The following DAB2IP variants were observed in gnomAD, a reference collection of about 807,000 sequenced individuals.
DAB2IP encodes disabled homolog 2-interacting protein.
A neutral mutation model predicts 107.2 loss-of-function variants in DAB2IP; 28 were observed. The observed-to-expected ratio is 0.26, with a 90% CI of 0.19 to 0.36. The LOEUF (loss-of-function observed/expected upper bound fraction) is 0.36, where lower values mean the gene tolerates loss of function less well. DAB2IP is among the 10% of genes least tolerant of loss of function. The pLI is 1.00. For synonymous variants in DAB2IP, 755 were observed against 706.4 expected, an observed-to-expected ratio of 1.07 and a Z score of -1.09; for missense variants, 1,400 against 1,644.7, an observed-to-expected ratio of 0.85 and a Z score of 2.57.
At chr9:121,675,546 G>A (rs1382902724) in intron 1 of DAB2IP, among the ~76,000 whole-genome samples, 1 of 152,134 alleles carries the variant, frequency 6.6e-6, no homozygotes, top group Non-Finnish European at 1.5e-5. Context: ...TCTGGCTAAG[G>A]TTTGCATCCT....
intron 1 of DAB2IP, among the ~76,000 whole-genome samples, chr9:121,628,968 T>G (rs1831771875): frequency 6.6e-6 from 1 of 152,170 alleles, no homozygotes; most frequent in Non-Finnish European, 1.5e-5. Context: ...TGGAGAACTG[T>G]TGGCACCGAC....
intron 3 of DAB2IP, among the ~76,000 whole-genome samples, chr9:121,710,140 CT>C (rs1327961389): frequency 6.6e-6 from 1 of 152,216 alleles, no homozygotes; most frequent in African/African-American, 2.4e-5. Flanking sequence ...CAGTACTGCC[CT>C]CTCCCTATCT....
In DAB2IP at chr9:121,641,843, TTTC is replaced by T. The variant is rs536228629; in HGVS notation, c.41-36832_41-36830del. ...CCTTCCTCTTTCTTTCTTTTCTTTCTTTCTTTTTCTTTCTTTCTTTTCTTTCTT... is the reference window on the plus strand; with the variant it reads ...CCTTCCTCTTTCTTTCTTTTCTTTCTTTTTTCTTTCTTTCTTTTCTTTCTT... On this transcript the variant is annotated intron_variant, in intron 1 of 16. Coordinates refer to the DAB2IP transcript ENST00000259371. Among the ~76,000 whole-genome samples, 1,442 of 151,740 alleles carry T rather than the reference TTTC, an allele frequency of 9.5e-3. 12 individuals are homozygous for T. The highest frequency in any genetic ancestry group is 0.034 in the Middle Eastern group (10 of 294).
At chr9:121,652,480 C>CGGCTGG (rs913424187) in intron 1 of DAB2IP, among the ~76,000 whole-genome samples, 5 of 152,068 alleles carry the variant, frequency 3.3e-5, no homozygotes, top group African/African-American at 1.2e-4. Flanking sequence ...ACAGGATCCT[C>CGGCTGG]GGCTGGAAAT....
intron 3 of DAB2IP, among the ~76,000 whole-genome samples, chr9:121,739,050 C>A (rs1258509323): frequency 6.6e-6 from 1 of 152,230 alleles, no homozygotes; most frequent in African/African-American, 2.4e-5. Context: ...TAGTGCTTGG[C>A]ACATAGTTTG....
At chr9:121,627,555 G>C (rs1182002074) in intron 1 of DAB2IP, among the ~76,000 whole-genome samples, 1 of 152,144 alleles carries the variant, frequency 6.6e-6, no homozygotes, top group East Asian at 1.9e-4. Context: ...CTCACTCTCT[G>C]CAAAGACTGT....
chr9:121,580,110 C>A (rs1158839774), intron 1 of DAB2IP, among the ~76,000 whole-genome samples: 2 of 152,200 alleles, frequency 1.3e-5, no homozygotes, highest in Non-Finnish European at 2.9e-5. Flanking sequence ...CCTGCCCCAC[C>A]AGGTGACTCT....
chr9:121,686,910 T>C (rs1246472236), intron 2 of DAB2IP, among the ~76,000 whole-genome samples: 2 of 152,194 alleles, frequency 1.3e-5, no homozygotes, highest in East Asian at 3.8e-4. Context: ...CACCCCTGAC[T>C]GAACTTCTAG....
At chr9:121,624,232 G>C (rs1182014916) in intron 1 of DAB2IP, among the ~76,000 whole-genome samples, 2 of 152,258 alleles carry the variant, frequency 1.3e-5, no homozygotes, top group African/African-American at 4.8e-5. Context: ...GCTGCCCAGA[G>C]GCAGGAGCTG....
At chr9:121,688,243 A>G (rs1392991483) in intron 2 of DAB2IP, among the ~76,000 whole-genome samples, 2 of 152,216 alleles carry the variant, frequency 1.3e-5, no homozygotes, top group Non-Finnish European at 2.9e-5. Context: ...ACATAATTAT[A>G]TCTGAGTTGT....
chr9:121,586,430 G>GT (rs1359273146), intron 1 of DAB2IP, among the ~76,000 whole-genome samples: 2 of 152,178 alleles, frequency 1.3e-5, no homozygotes, highest in Admixed American at 6.5e-5. Context: ...AGACGGAAAC[G>GT]TAAGTGGCAG....
Position 121,599,592 on chromosome 9 carries a change from G to T in DAB2IP, c.40+32364G>T, listed in dbSNP as rs2118949677. 1.3e-5 allele frequency among the ~76,000 whole-genome samples: 2 copies of T among 152,102 alleles called. No individual in the cohort carries two copies. Among genetic ancestry groups the T allele is most frequent in the South Asian group, 2.1e-4 (1 of 4,824 alleles). On this transcript the variant is annotated intron_variant, in intron 1 of 16. Coordinates refer to the DAB2IP transcript ENST00000259371. The surrounding 1 kb of genome is among the most constrained non-coding windows in gnomAD (Gnocchi z 6.9). Reference sequence around the variant, plus strand: ...GCCGGCCGTAGCGCGCTCCTGCCTGGCCAGCCGCCTACTCCGCCCGCCCCG... The same window carrying T: ...GCCGGCCGTAGCGCGCTCCTGCCTGTCCAGCCGCCTACTCCGCCCGCCCCG...
intron 1 of DAB2IP, among the ~76,000 whole-genome samples, chr9:121,629,044 C>G (rs1431189867): frequency 1.3e-5 from 2 of 152,176 alleles, no homozygotes; most frequent in African/African-American, 4.8e-5. Flanking sequence ...GGAGTGATGG[C>G]TAGAGTTGGC....
chr9:121,603,890 G>A (rs1830775161), intron 1 of DAB2IP, among the ~76,000 whole-genome samples: 1 of 152,138 alleles, frequency 6.6e-6, no homozygotes, highest in Admixed American at 6.5e-5. Flanking sequence ...GGTTGAGTTG[G>A]GCTGGAGGGC....
chr9:121,775,689 T>C (rs956867479), intron 13 of DAB2IP, among the ~76,000 whole-genome samples: 1 of 152,044 alleles, frequency 6.6e-6, no homozygotes, highest in Non-Finnish European at 1.5e-5. Context: ...TCTCTCCATT[T>C]CCTCATGCCA....
At chr9:121,629,661 T>G (rs895011259) in intron 1 of DAB2IP, among the ~76,000 whole-genome samples, 2 of 151,720 alleles carry the variant, frequency 1.3e-5, no homozygotes, top group Non-Finnish European at 2.9e-5. Flanking sequence ...CTCCAGGGAG[T>G]CATTCCCTGG....
chr9:121,580,774 A>G (rs1013119378), intron 1 of DAB2IP, among the ~76,000 whole-genome samples: 6 of 152,088 alleles, frequency 3.9e-5, no homozygotes, highest in Admixed American at 1.3e-4. Flanking sequence ...ACAGGCGCCA[A>G]CCACCACGCC....
upstream of DAB2IP, among the ~76,000 whole-genome samples, chr9:121,648,559 T>C (rs1172368170): frequency 1.3e-5 from 2 of 152,032 alleles, no homozygotes; most frequent in Admixed American, 1.3e-4. Context: ...TCAGATCTGA[T>C]TTAGCCAGTC....
intron 1 of DAB2IP, among the ~76,000 whole-genome samples, chr9:121,669,086 T>C (rs1239274593): frequency 6.6e-6 from 1 of 151,984 alleles, no homozygotes; most frequent in East Asian, 1.9e-4. Context: ...CAGCTAATTT[T>C]TGTATTTTTA....
Sources: gnomAD v4.1 joint callset for allele counts (sites outside exome capture counted in the v4.1 genomes callset) on GRCh38, gnomAD v4.1.1 for gene constraint, Gnocchi (gnomAD v3.1) non-coding constraint, MANE v1.5 for transcripts, NCBI Gene and HGNC (gene_info 2026-07-23, HGNC 2026-07-21) for gene names.